Variants in GRM7 observed in about 807,000 individuals in gnomAD.
GRM7 encodes the protein metabotropic glutamate receptor 7.
In GRM7, 35 loss-of-function variants were observed where a neutral mutation model predicts 84.5. The observed-to-expected ratio is 0.41, with a 90% CI of 0.32 to 0.55. The LOEUF is 0.55. GRM7 is among the 20% of genes least tolerant of loss of function. The pLI is 0.19. For missense variants in GRM7, 1,003 were observed against 1,194.6 expected, an observed-to-expected ratio of 0.84 and a Z score of 2.36; for synonymous variants, 487 against 455.1, an observed-to-expected ratio of 1.07 and a Z score of -0.89.
chr3:7,065,602 A>G (rs1697625855), intron 1 of GRM7, among the ~76,000 whole-genome samples: 1 of 151,996 alleles, frequency 6.6e-6, no homozygotes, highest in Non-Finnish European at 1.5e-5. Flanking sequence ...GCCTTATAGT[A>G]TAGTTTGAAA....
intron 1 of GRM7, among the ~76,000 whole-genome samples, chr3:7,133,230 G>A (rs1034111453): frequency 1.3e-5 from 2 of 152,174 alleles, no homozygotes; most frequent in Non-Finnish European, 2.9e-5. Flanking sequence ...AATATGAAAT[G>A]TTAAAAATAG....
intron 9 of GRM7, among the ~76,000 whole-genome samples, chr3:7,695,654 C>T (rs58897541): frequency 1.1e-3 from 162 of 152,222 alleles, no homozygotes; most frequent in African/African-American, 3.7e-3. Context: ...CCAACTTTGT[C>T]GTTCTCCAGA....
chr3:7,342,122 G>T (rs540006849), intron 4 of GRM7, among the ~76,000 whole-genome samples: 1 of 152,174 alleles, frequency 6.6e-6, no homozygotes, highest in South Asian at 2.1e-4. Flanking sequence ...TCCCTGCTAG[G>T]TCTGTGCCTC....
intron 7 of GRM7, among the ~76,000 whole-genome samples, chr3:7,476,140 A>G (rs1255622135): frequency 2.0e-5 from 3 of 152,174 alleles, no homozygotes; most frequent in African/African-American, 4.8e-5. Flanking sequence ...TTCACCACCT[A>G]TTGGTTCTAC....
chr3:7,223,290 T>A lies in GRM7; in HGVS notation c.737-75394T>A, dbSNP rs180861555. 9.6e-3 allele frequency among the ~76,000 whole-genome samples: 1,454 copies of A among 152,222 alleles called. 14 individuals are homozygous for A. Among genetic ancestry groups the A allele is most frequent in the African/African-American group, 0.026 (1,081 of 41,554 alleles). ...CATCCTATAATTTCATAAATTTGAT[T>A]GTATTTTTTTTGTCTTTTTCCCCCT... On this transcript the variant is annotated intron_variant, in intron 2 of 9. Coordinates refer to ENST00000357716, the MANE Select transcript of GRM7 (RefSeq NM_000844.4).
At chr3:6,948,979 A>G (rs1353656464) in intron 1 of GRM7, among the ~76,000 whole-genome samples, 2 of 152,216 alleles carry the variant, frequency 1.3e-5, no homozygotes, top group East Asian at 1.9e-4. Flanking sequence ...TCCTGAATAC[A>G]GCACACTGAT....
chr3:7,457,101 G>A (rs1041306995), intron 6 of GRM7, among the ~76,000 whole-genome samples: 1 of 152,062 alleles, frequency 6.6e-6, no homozygotes, highest in Admixed American at 6.6e-5. Flanking sequence ...GTTTTAGGAG[G>A]ATATTGATTT....
intron 8 of GRM7, among the ~76,000 whole-genome samples, chr3:7,582,422 TC>T (rs1205992952): frequency 6.6e-6 from 1 of 152,136 alleles, no homozygotes; most frequent in Admixed American, 6.5e-5. Context: ...GCAATGTGAC[TC>T]TACAAAGGGA....
chr3:7,546,365 T>C (rs2125020436), intron 7 of GRM7, among the ~76,000 whole-genome samples: 1 of 152,326 alleles, frequency 6.6e-6, no homozygotes, highest in Admixed American at 6.5e-5. Context: ...GGATGGGGAC[T>C]ACTAAGGAAA....
intron 5 of GRM7, among the ~76,000 whole-genome samples, chr3:7,438,110 G>A (rs929464362): frequency 6.6e-6 from 1 of 152,100 alleles, no homozygotes; most frequent in Non-Finnish European, 1.5e-5. Context: ...GGGAACAGGT[G>A]AGGGGTTTCA....
chr3:7,087,363 A>G (rs556510191), intron 1 of GRM7, among the ~76,000 whole-genome samples: 35 of 149,460 alleles, frequency 2.3e-4, no homozygotes, highest in African/African-American at 8.4e-4. Flanking sequence ...CTGCTAAGTT[A>G]TTGTATATTT....
chr3:7,496,644 C>T (rs908840077), intron 7 of GRM7, among the ~76,000 whole-genome samples: 9 of 152,092 alleles, frequency 5.9e-5, no homozygotes, highest in Non-Finnish European at 1.0e-4. Context: ...TGGAGTGTCA[C>T]TGTTGAAGTT....
chr3:7,111,369 A>G (rs1692845613), intron 1 of GRM7, among the ~76,000 whole-genome samples: 1 of 152,198 alleles, frequency 6.6e-6, no homozygotes, highest in Non-Finnish European at 1.5e-5. Context: ...AGAGGTCCAG[A>G]TAAGGATTTG....
chr3:6,987,383 T>G (rs1694454267), intron 1 of GRM7, among the ~76,000 whole-genome samples: 1 of 149,882 alleles, frequency 6.7e-6, no homozygotes, highest in Admixed American at 6.6e-5. Flanking sequence ...ATTTAGAAAT[T>G]ATTGGTGCTG....
intron 1 of GRM7, among the ~76,000 whole-genome samples, chr3:6,916,433 T>C (rs990702527): frequency 2.0e-5 from 3 of 152,130 alleles, no homozygotes; most frequent in Non-Finnish European, 4.4e-5. Flanking sequence ...AGTGGCAGTA[T>C]AGGGGGAGTC....
intron 1 of GRM7, among the ~76,000 whole-genome samples, chr3:7,138,355 T>A (rs1487428376): frequency 6.6e-6 from 1 of 151,990 alleles, no homozygotes; most frequent in Admixed American, 6.6e-5. Context: ...ATGTGGTAGA[T>A]CTTCTATAGA....
chr3:6,946,377 T>C (rs1313975023), intron 1 of GRM7, among the ~76,000 whole-genome samples: 1 of 152,200 alleles, frequency 6.6e-6, no homozygotes, highest in Non-Finnish European at 1.5e-5. Context: ...TGTAGATATT[T>C]GGCATTATTT....
chr3:7,573,072 A>C (rs2125047999), intron 7 of GRM7, among the ~76,000 whole-genome samples: 1 of 151,072 alleles, frequency 6.6e-6, no homozygotes, highest in Non-Finnish European at 1.5e-5. Flanking sequence ...AAATGTCTTG[A>C]GGTGTTGCAG....
chr3:7,036,586 A>G (rs1020832709), intron 1 of GRM7, among the ~76,000 whole-genome samples: 1 of 152,210 alleles, frequency 6.6e-6, no homozygotes, highest in Non-Finnish European at 1.5e-5. Context: ...TTCAATGAAG[A>G]GCTACTTTAA....
Sources: gnomAD v4.1 joint callset for allele counts (sites outside exome capture counted in the v4.1 genomes callset) on GRCh38, gnomAD v4.1.1 for gene constraint, MANE v1.5 for transcripts, NCBI Gene and HGNC (gene_info 2026-07-23, HGNC 2026-07-21) for gene names.